NDST3: variants seen among roughly 807,000 people sequenced by gnomAD.
NDST3 encodes bifunctional heparan sulfate N-deacetylase/N-sulfotransferase 3.
Under a neutral mutation model 96.1 loss-of-function variants are expected in NDST3, and 58 were observed. The ratio of observed to expected loss-of-function variants is 0.60; its 90% CI spans 0.49 to 0.75. NDST3 has a LOEUF of 0.75. Among genes scored for constraint, NDST3 ranks in the 30% least tolerant of loss-of-function variants. The pLI is 0.00. For synonymous variants in NDST3, 333 were observed against 359.7 expected, an observed-to-expected ratio of 0.93 and a Z score of 0.84; for missense variants, 788 against 1,034.2, an observed-to-expected ratio of 0.76 and a Z score of 3.27.
intron 6 of NDST3, among the ~76,000 whole-genome samples, chr4:118,149,914 T>C (rs1734257897): frequency 6.6e-6 from 1 of 151,536 alleles, no homozygotes; most frequent in African/African-American, 2.4e-5. Flanking sequence ...GCTCTTATTA[T>C]TTTGAGATAT....
At chr4:118,116,469 A>G (rs1560654532) in intron 4 of NDST3, among the ~76,000 whole-genome samples, 1 of 152,208 alleles carries the variant, frequency 6.6e-6, no homozygotes, top group Non-Finnish European at 1.5e-5. Flanking sequence ...GCTGAAAACT[A>G]GAATAGTATC....
At chr4:118,047,672 C>T (rs939669784) in intron 1 of NDST3, among the ~76,000 whole-genome samples, 3 of 152,134 alleles carry the variant, frequency 2.0e-5, no homozygotes, top group Admixed American at 1.3e-4. Flanking sequence ...ACTGGCTCTT[C>T]GGGCCAACTC....
At chr4:118,119,000 T>A (rs1284117767) in intron 4 of NDST3, among the ~76,000 whole-genome samples, 7 of 152,208 alleles carry the variant, frequency 4.6e-5, no homozygotes, top group Admixed American at 2.0e-4. Context: ...GATATTTCTA[T>A]CATAGAACTC....
At chr4:118,133,344 C>G (rs1430608759) in intron 4 of NDST3, among the ~76,000 whole-genome samples, 1 of 152,154 alleles carries the variant, frequency 6.6e-6, no homozygotes, top group Non-Finnish European at 1.5e-5. Context: ...TCTGCTATGA[C>G]AGGGTAGTAC....
intron 3 of NDST3, among the ~76,000 whole-genome samples, chr4:118,105,779 T>A (rs1730131633): frequency 6.6e-6 from 1 of 152,206 alleles, no homozygotes; most frequent in Admixed American, 6.5e-5. Flanking sequence ...GTTACGAACA[T>A]TTTTATACCT....
chr4:118,155,652 A>G (rs1734666624), intron 6 of NDST3, among the ~76,000 whole-genome samples: 1 of 152,194 alleles, frequency 6.6e-6, no homozygotes, highest in Non-Finnish European at 1.5e-5. Context: ...AATATGTCAT[A>G]GGAAATTAAC....
At chr4:118,116,707 A>T (rs963434486) in intron 4 of NDST3, among the ~76,000 whole-genome samples, 4 of 151,824 alleles carry the variant, frequency 2.6e-5, no homozygotes, top group African/African-American at 9.7e-5. Flanking sequence ...AAATACAAAC[A>T]ATTAGCCAGG....
At chr4:118,153,819 A>G (rs28396217) in intron 6 of NDST3, among the ~76,000 whole-genome samples, 38,122 of 151,890 alleles carry the variant, frequency 0.25, 5,620 homozygotes, top group African/African-American at 0.41. Flanking sequence ...GAGAGACTCC[A>G]TCTAAAATAA....
At chr4:118,120,486 C>A (rs1361953776) in intron 4 of NDST3, among the ~76,000 whole-genome samples, 1 of 152,088 alleles carries the variant, frequency 6.6e-6, no homozygotes, top group Non-Finnish European at 1.5e-5. Flanking sequence ...ATACTTGGAT[C>A]TGGGGTGATT....
At chr4:118,113,968 T>C (rs1730849242) in intron 3 of NDST3, among the ~76,000 whole-genome samples, 1 of 151,838 alleles carries the variant, frequency 6.6e-6, no homozygotes, top group Non-Finnish European at 1.5e-5. Context: ...CCCCTTCAAA[T>C]AAGGTAAAAG....
intron 6 of NDST3, among the ~76,000 whole-genome samples, chr4:118,156,362 A>G (rs749441509): frequency 2.0e-5 from 3 of 152,182 alleles, no homozygotes; most frequent in Non-Finnish European, 2.9e-5. Flanking sequence ...CTCAGGCATA[A>G]CCCAATTATA....
chr4:118,256,441 T>C lies in NDST3; in HGVS notation c.*729T>C, dbSNP rs1742128659. The C allele has an allele frequency of 6.6e-6, 1 of 152,184 alleles. No homozygotes were observed. The highest frequency in any genetic ancestry group is 1.5e-5 in the Non-Finnish European group (1 of 68,022). 9.4% of individuals were successfully genotyped at this position (152,184 alleles called of 1,614,324 possible). On this transcript the variant is annotated 3_prime_UTR_variant, in exon 14 of 14. Coordinates refer to ENST00000296499, the MANE Select transcript of NDST3 (RefSeq NM_004784.3). The stretch of plus-strand genomic sequence containing the variant: ...TACTGTAAAGCTGTTGGATGGTAAA[T>C]AGAAACACATCAAGTACACCAAAAC...
intron 6 of NDST3, among the ~76,000 whole-genome samples, chr4:118,214,866 T>C (rs932321535): frequency 1.3e-5 from 2 of 152,116 alleles, no homozygotes; most frequent in Non-Finnish European, 2.9e-5. Flanking sequence ...AAATAAGGAA[T>C]ACAAAAGGAA....
chr4:118,250,253 T>G (rs1252673226), intron 12 of NDST3, among the ~76,000 whole-genome samples: 1 of 152,218 alleles, frequency 6.6e-6, no homozygotes, highest in East Asian at 1.9e-4. Context: ...TATTTTAATT[T>G]CTAAGAAACT....
At chr4:118,211,834 A>G (rs1420149386) in intron 6 of NDST3, among the ~76,000 whole-genome samples, 1 of 152,178 alleles carries the variant, frequency 6.6e-6, no homozygotes, top group Non-Finnish European at 1.5e-5. Flanking sequence ...ATGTACTATA[A>G]TACACTGCAA....
intron 6 of NDST3, among the ~76,000 whole-genome samples, chr4:118,174,534 T>A (rs1736156085): frequency 6.6e-6 from 1 of 152,180 alleles, no homozygotes; most frequent in South Asian, 2.1e-4. Context: ...TACAGAGATC[T>A]CAACAGTGCT....
chr4:118,197,299 AAGAATGTGTATTCTGC>A, intron 6 of NDST3, among the ~76,000 whole-genome samples: 1 of 137,284 alleles, frequency 7.3e-6, no homozygotes, highest in African/African-American at 2.7e-5. Flanking sequence ...TGCTGGGGAA[AAGAATGTGTATTCTGC>A]AGTCTTTGAA....
chr4:118,146,292 G>A (rs896344008), intron 6 of NDST3, among the ~76,000 whole-genome samples: 2 of 152,130 alleles, frequency 1.3e-5, no homozygotes, highest in Admixed American at 6.5e-5. Context: ...AATTAGAAGT[G>A]CCATTTTCTG....
At chr4:118,054,952 T>C (rs891422446) in intron 2 of NDST3, 61 bp downstream of exon 2, 9 of 1,592,562 alleles carry the variant, frequency 5.7e-6, no homozygotes, top group African/African-American at 1.3e-5. Context: ...GATACAACTA[T>C]CCCAGTTTGT....
Sources: gnomAD v4.1 joint callset for allele counts (sites outside exome capture counted in the v4.1 genomes callset) on GRCh38, gnomAD v4.1.1 for gene constraint, MANE v1.5 for transcripts, NCBI Gene and HGNC (gene_info 2026-07-23, HGNC 2026-07-21) for gene names.